FRMPD4: variants seen among roughly 807,000 people sequenced by gnomAD.
FRMPD4 encodes the protein FERM and PDZ domain containing 4.
In FRMPD4, 22 loss-of-function variants were observed where a neutral mutation model predicts 94.1. The ratio of observed to expected loss-of-function variants is 0.23; its 90% confidence interval spans 0.17 to 0.33. The LOEUF is 0.33. Among genes scored for constraint, FRMPD4 ranks in the 10% least tolerant of loss-of-function variants. The pLI is 1.00. For missense variants in FRMPD4, 1,111 were observed against 1,339.9 expected (o/e 0.83, Z 2.67); for synonymous variants, 631 against 548.6 (o/e 1.15, Z -2.10).
At chrX:12,056,359 G>T (rs1034455136) in intron 3 of FRMPD4, among the ~76,000 whole-genome samples, 7 of 111,931 alleles carry the variant, frequency 6.3e-5, no homozygotes, top group South Asian at 3.7e-4. Context: ...AATACTATAG[G>T]GGCCCTCTCT....
At chrX:12,604,460 C>G (rs1029677369) in intron 2 of FRMPD4, among the ~76,000 whole-genome samples, 1 of 112,051 alleles carries the variant, frequency 8.9e-6, no homozygotes, top group Non-Finnish European at 1.9e-5. Context: ...TGTGTCATTG[C>G]ATTTGATAGG....
intron 1 of FRMPD4, among the ~76,000 whole-genome samples, chrX:12,427,282 C>G (rs1270306844): frequency 1.8e-5 from 2 of 111,214 alleles, no homozygotes; most frequent in Non-Finnish European, 3.8e-5. Flanking sequence ...TTTTCTCCCC[C>G]AGTTCCATCC....
At chrX:12,225,657 G>T (rs1008781949) in intron 1 of FRMPD4, among the ~76,000 whole-genome samples, 1 of 111,823 alleles carries the variant, frequency 8.9e-6, no homozygotes, top group East Asian at 2.8e-4. Flanking sequence ...GGGTTTTGTG[G>T]TTACAGCTCT....
At chrX:12,092,949 G>C (rs763525747) in intron 3 of FRMPD4, among the ~76,000 whole-genome samples, 1 of 111,684 alleles carries the variant, frequency 9.0e-6, no homozygotes, top group African/African-American at 3.3e-5. Flanking sequence ...TGCCTGTGAA[G>C]GTTACTGGCA....
At chrX:12,283,220 A>G (rs2054551630) in intron 1 of FRMPD4, among the ~76,000 whole-genome samples, 1 of 113,076 alleles carries the variant, frequency 8.8e-6, no homozygotes, top group Non-Finnish European at 1.9e-5. Flanking sequence ...TGCTGTGAGG[A>G]CCGAATGTTT....
At chrX:12,160,270 T>G (rs1347517386) in intron 1 of FRMPD4, among the ~76,000 whole-genome samples, 1 of 111,738 alleles carries the variant, frequency 8.9e-6, no homozygotes, top group African/African-American at 3.3e-5. Context: ...AATTCACATT[T>G]ATAAAACAAG....
At chrX:12,426,942 G>A (rs998452899) in intron 1 of FRMPD4, among the ~76,000 whole-genome samples, 5 of 110,438 alleles carry the variant, frequency 4.5e-5, no homozygotes, top group Admixed American at 2.9e-4. Flanking sequence ...TGACCTCAGG[G>A]AAATTACATA....
At chrX:12,367,988 C>A (rs930233872) in intron 1 of FRMPD4, among the ~76,000 whole-genome samples, 6 of 112,052 alleles carry the variant, frequency 5.4e-5, no homozygotes, top group African/African-American at 1.9e-4. Context: ...CTCTTTCTCA[C>A]CCATCCTCCT....
At chrX:12,659,330 T>A (rs2059691636) in intron 4 of FRMPD4, among the ~76,000 whole-genome samples, 1 of 112,732 alleles carries the variant, frequency 8.9e-6, no homozygotes, top group African/African-American at 3.2e-5. Flanking sequence ...ATACATATGG[T>A]GGTATTTGTT....
chrX:12,520,312 A>G (rs2058147890), intron 2 of FRMPD4, among the ~76,000 whole-genome samples: 1 of 112,170 alleles, frequency 8.9e-6, no homozygotes, highest in South Asian at 3.7e-4. Context: ...CATATGAGGT[A>G]TCTAAAGTAG....
intron 3 of FRMPD4, among the ~76,000 whole-genome samples, chrX:11,907,025 C>G (rs1382112499): frequency 1.8e-5 from 2 of 110,776 alleles, no homozygotes; most frequent in Non-Finnish European, 3.8e-5. Flanking sequence ...AGTTATTGTA[C>G]TTTCCAACTC....
At chrX:11,849,584 A>G (rs1364152765) in intron 1 of FRMPD4, among the ~76,000 whole-genome samples, 1 of 111,242 alleles carries the variant, frequency 9.0e-6, no homozygotes, top group Non-Finnish European at 1.9e-5. Context: ...GGACCTGTGG[A>G]ATAGAATAGA....
chrX:12,698,288 A>G (rs1376815633), intron 9 of FRMPD4, among the ~76,000 whole-genome samples: 1 of 111,874 alleles, frequency 8.9e-6, no homozygotes, highest in Non-Finnish European at 1.9e-5. Flanking sequence ...TATATTAACA[A>G]TAAATGCTAA....
intron 1 of FRMPD4, among the ~76,000 whole-genome samples, chrX:12,395,250 A>G (rs1435309808): frequency 1.8e-5 from 2 of 112,351 alleles, no homozygotes; most frequent in Non-Finnish European, 3.8e-5. Context: ...ACTGTAAGGC[A>G]GCTAGGCCTC....
intron 1 of FRMPD4, among the ~76,000 whole-genome samples, chrX:12,156,761 A>C (rs1190765826): frequency 1.8e-5 from 2 of 112,367 alleles, no homozygotes; most frequent in Non-Finnish European, 3.8e-5. Context: ...AAACCAATTA[A>C]ATTCTTAGAC....
intron 3 of FRMPD4, among the ~76,000 whole-genome samples, chrX:11,943,494 G>A (rs368449778): frequency 1.1e-3 from 119 of 110,834 alleles, no homozygotes; most frequent in African/African-American, 3.7e-3. Flanking sequence ...TTATCCCATG[G>A]CGGAAGAGCA....
intron 2 of FRMPD4, among the ~76,000 whole-genome samples, chrX:12,517,216 C>T (rs1418509142): frequency 9.0e-6 from 1 of 111,313 alleles, no homozygotes; most frequent in Non-Finnish European, 1.9e-5. Flanking sequence ...TCAATTCATC[C>T]ATCTCAGCCT....
At chrX:12,553,460 A>ATATATATG (rs769330484) in intron 2 of FRMPD4, among the ~76,000 whole-genome samples, 46 of 81,535 alleles carry the variant, frequency 5.6e-4, no homozygotes, top group African/African-American at 1.2e-3. Context: ...ATATATATAT[A>ATATATATG]TATATATCTA....
intron 1 of FRMPD4, among the ~76,000 whole-genome samples, chrX:12,336,681 A>C (rs2055529570): frequency 9.0e-6 from 1 of 111,369 alleles, no homozygotes; most frequent in South Asian, 3.9e-4. Flanking sequence ...TCTCCATAAC[A>C]TCTATTATGG....
Sources: allele counts gnomAD v4.1 joint callset (sites outside exome capture counted in the v4.1 genomes callset), GRCh38; gene constraint gnomAD v4.1.1; transcripts MANE v1.5; gene names NCBI Gene and HGNC (gene_info 2026-07-23, HGNC 2026-07-21).